MYL4: variants seen among roughly 807,000 people sequenced by gnomAD.
MYL4 encodes the protein myosin light chain 4.
In MYL4, 16 loss-of-function variants were observed where a neutral mutation model predicts 21.6. That is an observed-to-expected ratio of 0.74 (90% confidence interval 0.50 to 1.12). The LOEUF (loss-of-function observed/expected upper bound fraction) is 1.12, where lower values mean the gene tolerates loss of function less well. Ranked by LOEUF, MYL4 falls within the 50% of genes most tolerant of loss-of-function variation. The pLI, the probability that MYL4 is intolerant of heterozygous loss-of-function variation, is 0.00. For missense variants in MYL4, 249 were observed against 252.9 expected, an observed-to-expected ratio of 0.98 and a Z score of 0.11; for synonymous variants, 82 against 95.7, an observed-to-expected ratio of 0.86 and a Z score of 0.83.
the MYL4 span, among the ~76,000 whole-genome samples, chr17:47,192,453 T>G: frequency 6.6e-6 from 1 of 150,966 alleles, no homozygotes; most frequent in South Asian, 2.1e-4. Context: ...ATCGAGACCA[T>G]CCTGGCTAAC....
chr17:47,191,844 T>C, the MYL4 span, among the ~76,000 whole-genome samples: 1 of 152,210 alleles, frequency 6.6e-6, no homozygotes, highest in African/African-American at 2.4e-5. Flanking sequence ...CGGACTCAGC[T>C]CTTTTTCACA....
chr17:47,219,686 C>G (rs1367311367), intron 2 of MYL4, among the ~76,000 whole-genome samples: 1 of 152,124 alleles, frequency 6.6e-6, no homozygotes, highest in Non-Finnish European at 1.5e-5. Flanking sequence ...AGTCCCAGCC[C>G]TGGAATGGGT....
At chr17:47,193,995 C>A in the MYL4 span, among the ~76,000 whole-genome samples, 1 of 152,226 alleles carries the variant, frequency 6.6e-6, no homozygotes, top group East Asian at 1.9e-4. Flanking sequence ...GGTGATCCAC[C>A]CACCTTGGCC....
intron 1 of MYL4, among the ~76,000 whole-genome samples, chr17:47,211,883 G>A (rs1399176257): frequency 6.6e-6 from 1 of 152,084 alleles, no homozygotes; most frequent in Non-Finnish European, 1.5e-5. Context: ...GATGGGGTGG[G>A]GTGGGGTGCA....
upstream of MYL4, among the ~76,000 whole-genome samples, chr17:47,198,617 G>C (rs1166141779): frequency 1.3e-5 from 2 of 152,188 alleles, no homozygotes; most frequent in Non-Finnish European, 2.9e-5. Flanking sequence ...TGATTTGGGA[G>C]ATAGAGGCTG....
chr17:47,226,021 A>G (rs2064884491), downstream of MYL4, among the ~76,000 whole-genome samples: 1 of 150,942 alleles, frequency 6.6e-6, no homozygotes, highest in East Asian at 1.9e-4. Context: ...TTTGATCCTC[A>G]CCCTCCTCCC....
Position 47,222,404 on chromosome 17 carries a change from T to C in MYL4, c.512T>C (p.Val171Ala), listed in dbSNP as rs764294751. 1.9e-6 allele frequency: 3 copies of C among 1,614,124 alleles called. No individual in the cohort carries two copies. Among genetic ancestry groups the C allele is most frequent in the Non-Finnish European group, 1.7e-6 (2 of 1,180,008 alleles). The change falls in exon 5 of 7, where the codon GTG (valine) becomes GCG (alanine). Residue 171 changes from valine (V) to alanine (A), a missense_variant. Coordinates refer to ENST00000393450, the MANE Select transcript of MYL4 (RefSeq NM_002476.2). The stretch of plus-strand genomic sequence containing the variant: ...GGAGAGAAGATGACTGAGGCTGAAG[T>C]GGAGCAGCTGTTAGCTGGGCAAGAG... ...TLGEKMTEAEVEQLLAGQEDA... is the reference protein window; with the variant it reads ...TLGEKMTEAEAEQLLAGQEDA...
At chr17:47,201,108 G>T (rs897365640) in intron 1 of MYL4, among the ~76,000 whole-genome samples, 4 of 152,184 alleles carry the variant, frequency 2.6e-5, no homozygotes, top group Admixed American at 2.0e-4. Flanking sequence ...GGAGGCAGAG[G>T]TTGCAGTAAG....
chr17:47,201,365 A>G (rs1241551342), intron 1 of MYL4, among the ~76,000 whole-genome samples: 4 of 151,506 alleles, frequency 2.6e-5, no homozygotes, highest in African/African-American at 9.7e-5. Flanking sequence ...TTATATACAG[A>G]GGATTGGGTT....
intron 2 of MYL4, among the ~76,000 whole-genome samples, chr17:47,215,661 T>C (rs2064808122): frequency 6.6e-6 from 1 of 152,196 alleles, no homozygotes; most frequent in East Asian, 1.9e-4. Context: ...GGTATTTGGG[T>C]TTCAATTCAG....
upstream of MYL4, chr17:47,209,273 G>T: frequency 3.2e-6 from 3 of 944,250 alleles, no homozygotes; most frequent in Non-Finnish European, 3.3e-6. Context: ...AGCAGCAGTT[G>T]CTCTTGCTTT....
upstream of MYL4, among the ~76,000 whole-genome samples, chr17:47,208,274 C>A (rs999485269): frequency 2.0e-5 from 3 of 151,976 alleles, no homozygotes; most frequent in East Asian, 3.9e-4. Context: ...AACAAAAAAA[C>A]TCCCCCAAAA....
chr17:47,209,704 G>C, intron 1 of MYL4, 147 bp downstream of exon 1: 1 of 1,226,576 alleles, frequency 8.2e-7, no homozygotes. Flanking sequence ...TGGGGCAGTG[G>C]AGTGGGTGTT....
upstream of MYL4, among the ~76,000 whole-genome samples, chr17:47,207,219 C>T (rs2064732946): frequency 6.6e-6 from 1 of 152,070 alleles, no homozygotes; most frequent in African/African-American, 2.4e-5. Flanking sequence ...CTTTTTCCTG[C>T]CCGTTTCCTT....
chr17:47,208,557 ACACAC>A, upstream of MYL4, among the ~76,000 whole-genome samples: 1 of 82,860 alleles, frequency 1.2e-5, no homozygotes, highest in Non-Finnish European at 2.7e-5. Flanking sequence ...CACTACACAC[ACACAC>A]ACACACACAC....
At chr17:47,203,800 A>G (rs2064717596) in intron 1 of MYL4, among the ~76,000 whole-genome samples, 1 of 152,186 alleles carries the variant, frequency 6.6e-6, no homozygotes, top group Non-Finnish European at 1.5e-5. Context: ...TTAGAGGTTG[A>G]AGGCTGGGGG....
upstream of MYL4, among the ~76,000 whole-genome samples, chr17:47,199,987 T>G (rs1394233308): frequency 6.6e-6 from 1 of 150,934 alleles, no homozygotes; most frequent in Non-Finnish European, 1.5e-5. Context: ...GCGATCCACC[T>G]GCCTTGGCCT....
At chr17:47,218,813 C>A (rs1331146884) in intron 2 of MYL4, among the ~76,000 whole-genome samples, 1 of 152,068 alleles carries the variant, frequency 6.6e-6, no homozygotes, top group Non-Finnish European at 1.5e-5. Context: ...AAAACCAAAA[C>A]AAATCAATGA....
upstream of MYL4, among the ~76,000 whole-genome samples, chr17:47,197,680 G>GAT (rs10677356): frequency 0.59 from 89,836 of 151,902 alleles, 26,948 homozygotes; most frequent in Admixed American, 0.67. Context: ...CAATACATGA[G>GAT]ATTCAGCACT....
Sources: allele counts gnomAD v4.1 joint callset (sites outside exome capture counted in the v4.1 genomes callset), GRCh38; gene constraint gnomAD v4.1.1; transcripts MANE v1.5; gene names NCBI Gene and HGNC (gene_info 2026-07-23, HGNC 2026-07-21).